Variants in BCO2 observed in about 807,000 individuals in gnomAD.
The protein encoded by BCO2 is beta-carotene oxygenase 2, also known as carotenoid-cleaving dioxygenase, mitochondrial.
BCO2 carries 56 observed loss-of-function variants against 65.8 expected under a neutral mutation model. The observed-to-expected ratio is 0.85, with a 90% CI of 0.69 to 1.06. The LOEUF is 1.06. BCO2 is among the 50% of genes least tolerant of loss of function. The pLI is 0.00. For synonymous variants in BCO2, 233 were observed against 242.3 expected (o/e 0.96, Z 0.36); for missense variants, 675 against 698.5 (o/e 0.97, Z 0.38).
rs1866978492 is a variant in BCO2, at chr11:112,179,668, G to A, written c.293+186G>A. Reference sequence around the variant, plus strand: ...TTAAACAAAATGTCCTGCTTTTTCTGCTCTGTAGACTATTGTAAATTTGAA... The same window carrying A: ...TTAAACAAAATGTCCTGCTTTTTCTACTCTGTAGACTATTGTAAATTTGAA... On this transcript the variant is annotated intron_variant, in intron 2 of 11. Coordinates refer to ENST00000357685, the MANE Select transcript of BCO2 (RefSeq NM_031938.7). 3 of 616,608 alleles carry A rather than the reference G, an allele frequency of 4.9e-6. No homozygotes were observed. The Admixed American group carries it at 8.9e-5, about 18-fold the overall frequency. 38.2% of individuals were successfully genotyped at this position (616,608 alleles called of 1,614,324 possible).
chr11:112,196,856 C>T (rs1247040116), intron 5 of BCO2, among the ~76,000 whole-genome samples: 1 of 151,212 alleles, frequency 6.6e-6, no homozygotes, highest in Non-Finnish European at 1.5e-5. Flanking sequence ...GTTCTCCTTC[C>T]TTTCCTCCTC....
At chr11:112,194,830 G>A in intron 5 of BCO2, 75 bp downstream of exon 5, 1 of 1,080,180 alleles carries the variant, frequency 9.3e-7, no homozygotes, top group South Asian at 1.4e-5. Context: ...GAATACTACA[G>A]GTTTGTTTTT....
chr11:112,198,170 G>A (rs1867632054), intron 5 of BCO2, among the ~76,000 whole-genome samples: 1 of 152,064 alleles, frequency 6.6e-6, no homozygotes, highest in Admixed American at 6.6e-5. Flanking sequence ...CAAAATAAGA[G>A]ATTTTGTCTG....
At chr11:112,181,125 A>G in intron 2 of BCO2, 2 of 1,448,772 alleles carry the variant, frequency 1.4e-6, no homozygotes, top group Non-Finnish European at 1.9e-6. Flanking sequence ...ATGCTGGCCC[A>G]CATGTTTAAG....
chr11:112,192,925 G>GTTTTTTTTTTTTTTTTTT (rs71060229), intron 2 of BCO2, among the ~76,000 whole-genome samples: 1 of 36,658 alleles, frequency 2.7e-5, no homozygotes, highest in African/African-American at 1.0e-4. Flanking sequence ...AAAATGTGAG[G>GTTTTTTTTTTTTTTTTTT]TTTTTTTTTT....
chr11:112,208,203 C>A (rs1044714343), intron 8 of BCO2, among the ~76,000 whole-genome samples: 1 of 152,112 alleles, frequency 6.6e-6, no homozygotes, highest in African/African-American at 2.4e-5. Flanking sequence ...CTCAAGTGAT[C>A]CACCCACCTT....
intron 8 of BCO2, among the ~76,000 whole-genome samples, chr11:112,212,464 C>A (rs1427599988): frequency 6.6e-6 from 1 of 152,136 alleles, no homozygotes. Flanking sequence ...AGTGAGATAC[C>A]ATCTTTATTA....
chr11:112,208,148 G>T (rs750845398), intron 8 of BCO2, among the ~76,000 whole-genome samples: 2 of 152,076 alleles, frequency 1.3e-5, no homozygotes, highest in African/African-American at 2.4e-5. Context: ...TTTTGGTAGA[G>T]ATGGGGTTTC....
At chr11:112,189,024 T>C (rs1040098650) in intron 2 of BCO2, among the ~76,000 whole-genome samples, 1 of 152,146 alleles carries the variant, frequency 6.6e-6, no homozygotes, top group East Asian at 1.9e-4. Flanking sequence ...TTAGTTAACA[T>C]GGTCAAGAAG....
chr11:112,197,623 C>T (rs886340250), intron 5 of BCO2, among the ~76,000 whole-genome samples: 4 of 152,208 alleles, frequency 2.6e-5, no homozygotes, highest in African/African-American at 7.2e-5. Context: ...ACACCACCTC[C>T]ATGGCCACCA....
chr11:112,216,298 G>C lies in BCO2; in HGVS notation c.1594G>C (p.Val532Leu), dbSNP rs1592871495. 1 of 1,614,096 alleles carries C rather than the reference G, an allele frequency of 6.2e-7. No individual in the cohort carries two copies. Residue 532 changes from valine (V) to leucine (L), a missense_variant, in exon 11 of 12, where the codon GTT becomes CTT. Coordinates refer to ENST00000357685, the MANE Select transcript of BCO2 (RefSeq NM_031938.7). ...AGGAACCAATGAAGAAGATGGTGGG[G>C]TTATTCTTTCTGTGGTGATCACTCC... ...APGTNEEDGGVILSVVITPNQ... is the reference protein window; with the variant it reads ...APGTNEEDGGLILSVVITPNQ...
In BCO2 at chr11:112,201,921, T is replaced by C. The variant is rs117564741; in HGVS notation, c.1027-102T>C. On this transcript the variant is annotated intron_variant, in intron 7 of 11. Coordinates refer to ENST00000357685, the MANE Select transcript of BCO2 (RefSeq NM_031938.7). ...GCCACTTCAGAGGGGAAAATCTTTC[T>C]AATTTTCTTATTTTGAACTTTTTGG... is the stretch of plus-strand genomic sequence containing the variant. 9,912 of 1,019,724 alleles carry C rather than the reference T, an allele frequency of 9.7e-3. 76 individuals carry two copies. Among genetic ancestry groups the C allele is most frequent in the Non-Finnish European group, 0.012 (8,924 of 716,686 alleles). 63.2% of individuals were successfully genotyped at this position (1,019,724 alleles called of 1,614,324 possible).
chr11:112,185,785 A>G (rs2135355805), intron 2 of BCO2, among the ~76,000 whole-genome samples: 1 of 152,336 alleles, frequency 6.6e-6, no homozygotes, highest in East Asian at 1.9e-4. Context: ...ATAACATACA[A>G]TTTACCATCT....
intron 6 of BCO2, 66 bp downstream of exon 6, chr11:112,199,893 G>C (rs527804563): frequency 1.3e-6 from 2 of 1,560,640 alleles, no homozygotes; most frequent in South Asian, 1.1e-5. Flanking sequence ...AGAAGGACTA[G>C]TCTGGCAAAT....
At chr11:112,179,207 C>A in intron 1 of BCO2, 71 bp from the exon 2 acceptor site, 1 of 1,414,194 alleles carries the variant, frequency 7.1e-7, no homozygotes, top group Non-Finnish European at 9.9e-7. Context: ...AGATTATTGT[C>A]TGTGGGAAAC....
chr11:112,190,732 T>G (rs1435718551), intron 2 of BCO2, among the ~76,000 whole-genome samples: 2 of 151,540 alleles, frequency 1.3e-5, no homozygotes, highest in Non-Finnish European at 2.9e-5. Context: ...GGCACGTGCC[T>G]GTGATCCCAG....
chr11:112,179,386 G>A lies in BCO2; in HGVS notation c.197G>A (p.Arg66Gln), dbSNP rs542847943. The change falls in exon 2 of 12, where the codon CGG becomes CAG. Residue 66 changes from arginine to glutamine, a missense_variant. Transcript: ENST00000357685. Reference sequence around the variant, plus strand: ...CTGACCACAGTGGAAGAGGCTCCACGGGGCATCTCTGCTCGAGTCTGGGGA... The same window carrying A: ...CTGACCACAGTGGAAGAGGCTCCACAGGGCATCTCTGCTCGAGTCTGGGGA... ...PLLTTVEEAP[R>Q]GISARVWGHF... 1.4e-5 allele frequency: 23 copies of A among 1,614,160 alleles called. No individual in the cohort carries two copies. The South Asian group carries it at 1.6e-4, about 12-fold the overall frequency.
Position 112,203,050 on chromosome 11 carries a change from C to CAA in BCO2, c.1194+876_1194+877dup, listed in dbSNP as rs547629144. 6.0e-3 allele frequency among the ~76,000 whole-genome samples: 635 copies of CAA among 105,596 alleles called. 20 individuals are homozygous for CAA. The highest frequency in any genetic ancestry group is 0.038 in the Admixed American group (376 of 9,824). 69.3% of individuals were successfully genotyped at this position (105,596 alleles called of 152,430 possible). On this transcript the variant is annotated intron_variant, in intron 8 of 11. Transcript: ENST00000357685. ...GTGCAACACAGTAAGACTCCATCTC[C>CAA]AAAAAAAAAAAAAAAAAGCATATGT...
chr11:112,184,304 G>T (rs1192927256), intron 2 of BCO2, among the ~76,000 whole-genome samples: 1 of 150,974 alleles, frequency 6.6e-6, no homozygotes, highest in African/African-American at 2.4e-5. Context: ...CCAGGCTGGA[G>T]TGCAGTGGTG....
Sources: allele counts gnomAD v4.1 joint callset (sites outside exome capture counted in the v4.1 genomes callset), GRCh38; gene constraint gnomAD v4.1.1; transcripts MANE v1.5; gene names NCBI Gene and HGNC (gene_info 2026-07-23, HGNC 2026-07-21).